Variants in PSMD1 observed in about 807,000 individuals in gnomAD.
PSMD1 encodes 26S proteasome non-ATPase regulatory subunit 1.
Under a neutral mutation model 119.0 loss-of-function variants are expected in PSMD1, and 18 were observed. The observed-to-expected ratio is 0.15, with a 90% CI of 0.10 to 0.22. PSMD1 has a LOEUF of 0.22. Ranked by LOEUF, PSMD1 falls within the 10% of genes least tolerant of loss-of-function variation. The pLI, the probability that PSMD1 is intolerant of heterozygous loss-of-function variation, is 1.00. For missense variants in PSMD1, 702 were observed against 1,158.5 expected (o/e 0.61, Z 5.72); for synonymous variants, 374 against 396.6 (o/e 0.94, Z 0.68).
intron 2 of PSMD1, 143 bp from the exon 3 acceptor site, chr2:231,062,105 T>C (rs1574700870): frequency 1.7e-6 from 1 of 574,688 alleles, no homozygotes; most frequent in East Asian, 2.8e-5. Flanking sequence ...AAAGTGTAAG[T>C]TGGTAAATTT....
chr2:231,153,468 C>T, intron 18 of PSMD1, 96 bp from the exon 19 acceptor site: 1 of 901,672 alleles, frequency 1.1e-6, no homozygotes, highest in Non-Finnish European at 1.8e-6. Context: ...AAACTCAGAA[C>T]TAACTCATTA....
At chr2:231,065,918 G>A (rs1471827497) in intron 4 of PSMD1, among the ~76,000 whole-genome samples, 2 of 152,202 alleles carry the variant, frequency 1.3e-5, no homozygotes, top group Non-Finnish European at 2.9e-5. Flanking sequence ...ATGACAGACT[G>A]CATAGACAAC....
chr2:231,076,634 A>G (rs1466535360), intron 8 of PSMD1, among the ~76,000 whole-genome samples: 1 of 152,148 alleles, frequency 6.6e-6, no homozygotes, highest in Non-Finnish European at 1.5e-5. Flanking sequence ...AGCTGGGGCA[A>G]CAGAGAGAAA....
intron 16 of PSMD1, among the ~76,000 whole-genome samples, chr2:231,130,685 AG>A (rs1695834869): frequency 6.6e-6 from 1 of 152,062 alleles, no homozygotes; most frequent in Non-Finnish European, 1.5e-5. Flanking sequence ...CTTGAACTCC[AG>A]GGTTCATGCA....
At chr2:231,123,019 C>T (rs1695598978) in intron 16 of PSMD1, among the ~76,000 whole-genome samples, 1 of 152,070 alleles carries the variant, frequency 6.6e-6, no homozygotes, top group African/African-American at 2.4e-5. Context: ...TTATCGTTAA[C>T]CCAGCGCATA....
At chr2:231,093,518 C>T (rs750686133) in intron 16 of PSMD1, among the ~76,000 whole-genome samples, 3 of 152,134 alleles carry the variant, frequency 2.0e-5, no homozygotes, top group African/African-American at 7.2e-5. Context: ...TTTGATGTAT[C>T]GTGCTAGAAT....
intron 19 of PSMD1, among the ~76,000 whole-genome samples, chr2:231,158,472 A>AAATTATC (rs1696561098): frequency 6.6e-6 from 1 of 152,238 alleles, no homozygotes; most frequent in South Asian, 2.1e-4. Flanking sequence ...GTTAAACTGC[A>AAATTATC]AATTATCAAT....
chr2:231,074,621 T>C (rs575965674), intron 7 of PSMD1, among the ~76,000 whole-genome samples: 1 of 152,184 alleles, frequency 6.6e-6, no homozygotes, highest in South Asian at 2.1e-4. Context: ...TTTATGTAAT[T>C]TTCCTAATTT....
intron 4 of PSMD1, 84 bp downstream of exon 4, chr2:231,062,759 G>A: frequency 1.7e-6 from 2 of 1,155,152 alleles, no homozygotes; most frequent in Non-Finnish European, 2.3e-6. Context: ...TCCTGAATTT[G>A]ATGTTGCCAA....
At chr2:231,082,004 G>A (rs2125171875) in intron 12 of PSMD1, among the ~76,000 whole-genome samples, 1 of 152,256 alleles carries the variant, frequency 6.6e-6, no homozygotes, top group East Asian at 1.9e-4. Context: ...CTGAAAGAGA[G>A]TTGTCCTCTC....
At chr2:231,158,176 T>G (rs958751001) in intron 19 of PSMD1, among the ~76,000 whole-genome samples, 2 of 152,030 alleles carry the variant, frequency 1.3e-5, no homozygotes, top group Admixed American at 6.5e-5. Context: ...CTGGGCGTGG[T>G]GGTGCATGCC....
At chr2:231,081,855 T>C (rs906943206) in intron 12 of PSMD1, among the ~76,000 whole-genome samples, 5 of 152,230 alleles carry the variant, frequency 3.3e-5, no homozygotes, top group African/African-American at 1.2e-4. Flanking sequence ...TTTTCTCCTC[T>C]GTCTTTAGCC....
chr2:231,164,183 AGTGAGCCTGGAATTGAAAGTCT>A lies in PSMD1; in HGVS notation c.2481+457_2481+478del, dbSNP rs1317815089. ...ATTTCTCATTTGTTAGCCCTACACA[AGTGAGCCTGGAATTGAAAGTCT>A]TTATACACATGTATTTGTGCACTGT... On this transcript the variant is annotated intron_variant, in intron 21 of 24. Coordinates refer to ENST00000308696, the MANE Select transcript of PSMD1 (RefSeq NM_002807.4). Among the ~76,000 whole-genome samples, 5 of 152,228 alleles carry A rather than the reference AGTGAGCCTGGAATTGAAAGTCT, an allele frequency of 3.3e-5. No individual in the cohort carries two copies. In the South Asian group the frequency reaches 8.3e-4, roughly 25 times the overall value.
chr2:231,107,383 A>G (rs185359441), intron 16 of PSMD1, among the ~76,000 whole-genome samples: 16 of 152,320 alleles, frequency 1.1e-4, no homozygotes, highest in Non-Finnish European at 1.9e-4. Context: ...TGAACCTGAA[A>G]AGGAAAAGCT....
At chr2:231,113,905 A>G in intron 16 of PSMD1, 2 of 1,614,164 alleles carry the variant, frequency 1.2e-6, no homozygotes, top group South Asian at 2.2e-5. Context: ...AGGACATAGA[A>G]CAAGTGGGAG....
chr2:231,085,427 C>T (rs1487173042), intron 15 of PSMD1, among the ~76,000 whole-genome samples: 1 of 152,182 alleles, frequency 6.6e-6, no homozygotes, highest in Non-Finnish European at 1.5e-5. Flanking sequence ...TGTGTGGCCA[C>T]CCTAGGATAG....
At chr2:231,171,206 C>T (rs1464467452) in intron 24 of PSMD1, among the ~76,000 whole-genome samples, 1 of 152,200 alleles carries the variant, frequency 6.6e-6, no homozygotes, top group African/African-American at 2.4e-5. Context: ...CTCTCCCCAT[C>T]TCCTTCGACA....
Position 231,131,784 on chromosome 2 carries a change from A to G in PSMD1, c.1884-6952A>G, listed in dbSNP as rs1337802171. ...CTCAAAAAAAAAAAAAAAAAAAAAA[A>G]AAAGAAAGTTTTTTTGCCCTTTTAG... On this transcript the variant is annotated intron_variant, in intron 16 of 24. Transcript: ENST00000308696. Among the ~76,000 whole-genome samples the G allele has an allele frequency of 6.5e-5, 3 of 46,006 alleles. 1 individual carries two copies. Among genetic ancestry groups the G allele is most frequent in the Non-Finnish European group, 6.5e-5 (2 of 30,712 alleles). The allele number at this position is 46,006 out of a possible 152,430, so 30.2% of individuals were successfully genotyped here.
chr2:231,153,759 G>A, intron 19 of PSMD1, 93 bp downstream of exon 19: 2 of 901,600 alleles, frequency 2.2e-6, no homozygotes. Context: ...TGGAAATTGA[G>A]TCTGAGGCAA....
Sources: allele counts gnomAD v4.1 joint callset (sites outside exome capture counted in the v4.1 genomes callset), GRCh38; gene constraint gnomAD v4.1.1; transcripts MANE v1.5; gene names NCBI Gene and HGNC (gene_info 2026-07-23, HGNC 2026-07-21).